Variants in SRRM4 observed in about 807,000 individuals in gnomAD.
The protein encoded by SRRM4 is serine/arginine repetitive matrix 4.
SRRM4 carries 33 observed loss-of-function variants against 68.9 expected under a neutral mutation model. That is an observed-to-expected ratio of 0.48 (90% CI 0.36 to 0.64). The LOEUF is 0.64. SRRM4 is among the 30% of genes least tolerant of loss of function. SRRM4 has a pLI of 0.00. For missense variants in SRRM4, 817 were observed against 827.1 expected (o/e 0.99, Z 0.15); for synonymous variants, 318 against 318.8 (o/e 1.00, Z 0.03).
chr12:119,159,858 G>T lies in SRRM4; in HGVS notation c.*3060G>T, dbSNP rs929768288. ...TCTCTTGCTGTTTCATCAGGGGAAA[G>T]CACAAAGCTATTTCTGAAATTAGGA... On this transcript the variant is annotated 3_prime_UTR_variant, in exon 13 of 13. Transcript: ENST00000267260. 1 of 149,540 alleles carries T rather than the reference G, an allele frequency of 6.7e-6. No individual in the cohort carries two copies. Among genetic ancestry groups the T allele is most frequent in the Non-Finnish European group, 1.5e-5 (1 of 67,718 alleles). The allele number at this position is 149,540 out of a possible 1,614,324, so 9.3% of individuals were successfully genotyped here. A position where few individuals can be genotyped will look rare whatever the true frequency, so the allele number is the denominator to read the frequency against.
At chr12:119,078,632 C>A (rs60235511) in intron 1 of SRRM4, among the ~76,000 whole-genome samples, 2 of 152,042 alleles carry the variant, frequency 1.3e-5, no homozygotes, top group Non-Finnish European at 2.9e-5. Context: ...TTCCACAAAG[C>A]CTTTAAGCTG....
chr12:119,097,192 C>T (rs1954051151), intron 1 of SRRM4, among the ~76,000 whole-genome samples: 1 of 150,716 alleles, frequency 6.6e-6, no homozygotes, highest in South Asian at 2.1e-4. Context: ...AAAGATGGAA[C>T]ACAGAATTTT....
At chr12:119,145,877 C>G (rs1758680903) in intron 9 of SRRM4, among the ~76,000 whole-genome samples, 192 bp downstream of exon 9, 1 of 152,118 alleles carries the variant, frequency 6.6e-6, no homozygotes, top group South Asian at 2.1e-4. Context: ...TTCAGGGGTT[C>G]AAAAATATGT....
intron 4 of SRRM4, among the ~76,000 whole-genome samples, chr12:119,118,560 AG>A (rs1954196401): frequency 6.6e-6 from 1 of 152,216 alleles, no homozygotes. Flanking sequence ...GTTTACTACA[AG>A]GCATGGGCAA....
intron 1 of SRRM4, among the ~76,000 whole-genome samples, chr12:119,073,565 T>C (rs1953890893): frequency 1.3e-5 from 2 of 152,168 alleles, no homozygotes; most frequent in African/African-American, 2.4e-5. Flanking sequence ...CTTCAAGTGA[T>C]CTACCCACCT....
chr12:118,982,685 T>TG (rs1953257496), intron 1 of SRRM4, among the ~76,000 whole-genome samples: 2 of 121,354 alleles, frequency 1.6e-5, no homozygotes, highest in African/African-American at 5.9e-5. Context: ...TTTTGTTTTT[T>TG]TTTTTTTTTT....
intron 4 of SRRM4, among the ~76,000 whole-genome samples, chr12:119,117,837 G>A (rs1016578048): frequency 2.0e-5 from 3 of 152,096 alleles, no homozygotes; most frequent in Non-Finnish European, 2.9e-5. Context: ...ACTTGAACCG[G>A]GGAGTCAGAG....
Position 119,157,022 on chromosome 12 carries a change from A to T in SRRM4, c.*224A>T. On this transcript the variant is annotated 3_prime_UTR_variant, in exon 13 of 13. Coordinates refer to ENST00000267260, the MANE Select transcript of SRRM4 (RefSeq NM_194286.4). This position sits in a 1 kb window ranked among gnomAD's most constrained non-coding sequence, Gnocchi z 4.1. ...CCTGGGGCCCAGCTCAGGCCTGGGC[A>T]TATGGAAAGAACCATCATCTTGTGG... 1.9e-6 allele frequency: 1 copy of T among 525,734 alleles called. No individual in the cohort carries two copies. The highest frequency in any genetic ancestry group is 3.3e-6 in the Non-Finnish European group (1 of 307,104). The allele number at this position is 525,734 out of a possible 1,614,324, so 32.6% of individuals were successfully genotyped here. A position where few individuals can be genotyped will look rare whatever the true frequency, so the allele number is the denominator to read the frequency against.
At chr12:118,990,902 C>T (rs1367068949) in intron 1 of SRRM4, among the ~76,000 whole-genome samples, 1 of 152,194 alleles carries the variant, frequency 6.6e-6, no homozygotes, top group Non-Finnish European at 1.5e-5. Flanking sequence ...TCACTGCAAC[C>T]TCTGCCTCCC....
chr12:119,073,184 T>C (rs1253764533), intron 1 of SRRM4, among the ~76,000 whole-genome samples: 1 of 152,078 alleles, frequency 6.6e-6, no homozygotes, highest in East Asian at 1.9e-4. Context: ...AGCAGGGAAG[T>C]TCAGGGATGT....
At chr12:119,095,196 G>C (rs1035315853) in intron 1 of SRRM4, among the ~76,000 whole-genome samples, 2 of 152,196 alleles carry the variant, frequency 1.3e-5, no homozygotes, top group Non-Finnish European at 2.9e-5. Context: ...TATTAACACA[G>C]CCCAGACTGA....
intron 1 of SRRM4, among the ~76,000 whole-genome samples, chr12:119,005,818 TG>T (rs1337428957): frequency 6.6e-6 from 1 of 152,222 alleles, no homozygotes; most frequent in Non-Finnish European, 1.5e-5. Context: ...GGATGGGAAA[TG>T]GGGGAATACA....
intron 1 of SRRM4, among the ~76,000 whole-genome samples, chr12:119,060,947 G>T (rs1565899799): frequency 1.3e-5 from 2 of 152,098 alleles, no homozygotes; most frequent in African/African-American, 2.4e-5. Flanking sequence ...AGCCCTAAAC[G>T]ATACCACGTC....
intron 10 of SRRM4, among the ~76,000 whole-genome samples, chr12:119,152,490 A>G (rs1016027251): frequency 4.6e-5 from 7 of 152,186 alleles, no homozygotes; most frequent in Admixed American, 1.3e-4. Context: ...TTACTCCCTC[A>G]TTTACTACAT....
At chr12:119,148,115 T>C (rs979775096) in intron 9 of SRRM4, among the ~76,000 whole-genome samples, 2 of 152,208 alleles carry the variant, frequency 1.3e-5, no homozygotes, top group African/African-American at 4.8e-5. Context: ...TTTTTCTACT[T>C]CTGAGGGTGG....
At chr12:119,132,255 TC>T (rs1352230593) in intron 8 of SRRM4, 1 of 152,076 alleles carries the variant, frequency 6.6e-6, no homozygotes, top group Non-Finnish European at 1.5e-5. Context: ...TAGATTTGAG[TC>T]TTGTTTTGGC....
chr12:119,018,029 ATGTCAATAAAAGG>A (rs1953492446), intron 1 of SRRM4, among the ~76,000 whole-genome samples: 1 of 152,306 alleles, frequency 6.6e-6, no homozygotes, highest in South Asian at 2.1e-4. Context: ...AAATAAAACA[ATGTCAATAAAAGG>A]CTTGACACAG....
intron 1 of SRRM4, among the ~76,000 whole-genome samples, chr12:119,006,838 A>C (rs906922065): frequency 2.0e-5 from 3 of 152,284 alleles, no homozygotes; most frequent in African/African-American, 7.2e-5. Context: ...CCTGCTGGAG[A>C]TGGGCATGGT....
intron 1 of SRRM4, among the ~76,000 whole-genome samples, chr12:119,089,244 T>C (rs1185433151): frequency 6.6e-6 from 1 of 152,112 alleles, no homozygotes; most frequent in East Asian, 1.9e-4. Context: ...CCAAGTCCTT[T>C]TGGAGCCACG....
Sources: allele counts gnomAD v4.1 joint callset (sites outside exome capture counted in the v4.1 genomes callset), GRCh38; gene constraint gnomAD v4.1.1; non-coding constraint Gnocchi (gnomAD v3.1); transcripts MANE v1.5; gene names NCBI Gene and HGNC (gene_info 2026-07-23, HGNC 2026-07-21).